Variants in TRIM13 observed in about 807,000 individuals in gnomAD.
TRIM13 encodes E3 ubiquitin-protein ligase TRIM13.
Under a neutral mutation model 27.1 loss-of-function variants are expected in TRIM13, and 15 were observed. The ratio of observed to expected loss-of-function variants is 0.55; its 90% CI spans 0.37 to 0.85. TRIM13 has a LOEUF of 0.85. Among genes scored for constraint, TRIM13 ranks in the 40% least tolerant of loss-of-function variants. The pLI is 0.00. For synonymous variants in TRIM13, 193 were observed against 171.5 expected (o/e 1.13, Z -0.98); for missense variants, 402 against 472.2 (o/e 0.85, Z 1.38).
intron 1 of TRIM13, among the ~76,000 whole-genome samples, chr13:50,000,273 G>C (rs560963891): frequency 6.6e-6 from 1 of 152,242 alleles, no homozygotes; most frequent in Admixed American, 6.5e-5. Flanking sequence ...TCATTGGTTA[G>C]AGTTCATAAA....
chr13:50,000,040 G>A (rs1402571401), intron 1 of TRIM13, among the ~76,000 whole-genome samples: 1 of 152,096 alleles, frequency 6.6e-6, no homozygotes, highest in Non-Finnish European at 1.5e-5. Flanking sequence ...TTTAAGCCCA[G>A]TATTTCTATT....
intron 1 of TRIM13, among the ~76,000 whole-genome samples, chr13:50,008,750 C>A (rs1233968317): frequency 2.0e-5 from 3 of 151,750 alleles, no homozygotes. Context: ...AATTGAGAAT[C>A]CTGGCCTGTA....
Position 50,014,344 on chromosome 13 carries a change from A to AATATATAT in TRIM13, c.*1190_*1197dup, listed in dbSNP as rs1555325056. 0.034 allele frequency: 661 copies of AATATATAT among 19,684 alleles called. 24 individuals are homozygous for AATATATAT. The highest frequency in any genetic ancestry group is 0.043 in the South Asian group (17 of 398). The allele number at this position is 19,684 out of a possible 1,614,324, so 1.2% of individuals were successfully genotyped here. On this transcript the variant is annotated 3_prime_UTR_variant, in exon 2 of 2. Coordinates refer to ENST00000378182, the MANE Select transcript of TRIM13 (RefSeq NM_213590.3). ...AAAAAAAAAAAAAAAAAAAAAAAAA[A>AATATATAT]ATATATATATATATATACACACACA...
rs147768660 is a variant in TRIM13 at position 50,005,391 on chromosome 13, A to T, written c.-6-6544A>T. Among the ~76,000 whole-genome samples the T allele has an allele frequency of 3.4e-4, 52 of 152,074 alleles. No individual in the cohort carries two copies. In the South Asian group the frequency reaches 8.3e-3, roughly 24 times the overall value. On this transcript the variant is annotated intron_variant, in intron 1 of 1. Coordinates refer to ENST00000378182, the MANE Select transcript of TRIM13 (RefSeq NM_213590.3). ...AGTTTTGATTATAAAGAGAAGGCAT[A>T]GGCAGGGCATGGTGGCTCACAACTA... is the stretch of plus-strand genomic sequence containing the variant.
Position 50,015,448 on chromosome 13 carries a change from T to A in TRIM13, c.*2284T>A. The A allele has an allele frequency of 2.2e-6, 3 of 1,377,412 alleles. No individual in the cohort carries two copies. The highest frequency in any genetic ancestry group is 3.0e-6 in the Non-Finnish European group (3 of 989,298). 85.3% of individuals were successfully genotyped at this position (1,377,412 alleles called of 1,614,324 possible). On this transcript the variant is annotated 3_prime_UTR_variant, in exon 2 of 2. Coordinates refer to ENST00000378182, the MANE Select transcript of TRIM13 (RefSeq NM_213590.3). The stretch of plus-strand genomic sequence containing the variant: ...CAACATTTATGGTTATAGGTTGATT[T>A]CCTAAGTGTGGCTGATGGTAGCCTC...
Position 50,012,330 on chromosome 13 carries a change from T to A in TRIM13, c.390T>A (p.Ser130=). Residue 130 remains serine, a synonymous_variant, in exon 2 of 2, where the codon TCT becomes TCA. Coordinates refer to ENST00000378182, the MANE Select transcript of TRIM13 (RefSeq NM_213590.3). The part of the protein sequence containing the change: ...RGEHTKHVFC[S]IEDAYAQERD... ...AGCACACCAAACATGTCTTCTGTTC[T>A]ATTGAAGATGCCTATGCTCAGGAAA... is the stretch of plus-strand genomic sequence containing the variant. 1.2e-6 allele frequency: 2 copies of A among 1,614,186 alleles called. No homozygotes were observed. The highest frequency in any genetic ancestry group is 2.2e-5 in the South Asian group (2 of 91,086).
chr13:50,000,643 T>C (rs1478039407), intron 1 of TRIM13, among the ~76,000 whole-genome samples: 1 of 152,254 alleles, frequency 6.6e-6, no homozygotes, highest in Non-Finnish European at 1.5e-5. Context: ...TGTTAAAATG[T>C]GTGCACATGC....
intron 1 of TRIM13, among the ~76,000 whole-genome samples, chr13:49,998,199 C>T (rs1001758007): frequency 6.6e-5 from 10 of 152,144 alleles, no homozygotes; most frequent in Non-Finnish European, 7.4e-5. Flanking sequence ...GCTATACTTC[C>T]TTCTTGCACA....
rs1419079598 is a variant in TRIM13 at position 50,008,070 on chromosome 13, A to T, written c.-6-3865A>T. On this transcript the variant is annotated intron_variant, in intron 1 of 1. Coordinates refer to ENST00000378182, the MANE Select transcript of TRIM13 (RefSeq NM_213590.3). The stretch of plus-strand genomic sequence containing the variant: ...CAGGTGCCTGCCACCACGCCCAGCT[A>T]ATTTTTTTGTATTTTTAGTAGAGAC... Among the ~76,000 whole-genome samples the T allele has an allele frequency of 2.6e-5, 4 of 151,668 alleles. No homozygotes were observed. The East Asian group carries it at 7.9e-4, about 30-fold the overall frequency.
At chr13:50,007,192 A>T (rs1289761242) in intron 1 of TRIM13, among the ~76,000 whole-genome samples, 2 of 148,936 alleles carry the variant, frequency 1.3e-5, no homozygotes, top group African/African-American at 5.0e-5. Context: ...CAAAAAAAAA[A>T]AAACCCAAAA....
Position 49,997,246 on chromosome 13 carries a change from GC to G in TRIM13, c.-523del, listed in dbSNP as rs1038285296. 5.2e-5 allele frequency: 8 copies of G among 152,618 alleles called. No homozygotes were observed. The highest frequency in any genetic ancestry group is 1.2e-4 in the African/African-American group (5 of 41,460). The allele number at this position is 152,618 out of a possible 1,614,324, so 9.5% of individuals were successfully genotyped here. A position where few individuals can be genotyped will look rare whatever the true frequency, so the allele number is the denominator to read the frequency against. ...GCAGGGATCTGCGTGGGTTGGGGGGGCTGGCGAAGGCCGTCTGAGCTCCAGT... is the reference window on the plus strand; with the variant it reads ...GCAGGGATCTGCGTGGGTTGGGGGGGTGGCGAAGGCCGTCTGAGCTCCAGT... On this transcript the variant is annotated 5_prime_UTR_variant, in exon 1 of 2. Transcript: ENST00000378182.
In TRIM13 at chr13:50,017,107, C is replaced by G. The variant is rs1876699675; in HGVS notation, c.*3943C>G. The G allele has an allele frequency of 6.0e-6, 1 of 166,986 alleles. No homozygotes were observed. Among genetic ancestry groups the G allele is most frequent in the South Asian group, 2.1e-4 (1 of 4,826 alleles). The allele number at this position is 166,986 out of a possible 1,614,324, so 10.3% of individuals were successfully genotyped here. On this transcript the variant is annotated 3_prime_UTR_variant, in exon 2 of 2. Transcript: ENST00000378182. Reference sequence around the variant, plus strand: ...TTTTGGGAAAAGAGAGCCAGTCAAGCTAGTAGGCTGATTGTGAAGAAAATC... The same window carrying G: ...TTTTGGGAAAAGAGAGCCAGTCAAGGTAGTAGGCTGATTGTGAAGAAAATC...
At position 50,012,112 on chromosome 13, in the gene TRIM13, C is replaced by T. The variant is rs770611360; in HGVS notation, c.172C>T (p.Arg58Cys). Reference sequence around the variant, plus strand: ...AGCTCCATTCAAGTGTCCTACATGCCGTAAGGAAACTTCAGCTACTGGAAT... The same window carrying T: ...AGCTCCATTCAAGTGTCCTACATGCTGTAAGGAAACTTCAGCTACTGGAAT... ...RPAPFKCPTC[R>C]KETSATGINS... The change falls in exon 2 of 2, where the codon CGT (arginine) becomes TGT (cysteine). Residue 58 changes from arginine (R) to cysteine (C), a missense_variant. Coordinates refer to ENST00000378182, the MANE Select transcript of TRIM13 (RefSeq NM_213590.3). 24 of 1,613,902 alleles carry T rather than the reference C, an allele frequency of 1.5e-5. No individual in the cohort carries two copies. Among genetic ancestry groups the T allele is most frequent in the Non-Finnish European group, 1.9e-5 (23 of 1,179,990 alleles).
chr13:50,007,352 G>A (rs1874870893), intron 1 of TRIM13, among the ~76,000 whole-genome samples: 1 of 151,112 alleles, frequency 6.6e-6, no homozygotes, highest in African/African-American at 2.4e-5. Context: ...TTAGCCGGGC[G>A]TGGTGGCCGG....
chr13:50,003,083 G>A (rs565409274), intron 1 of TRIM13, among the ~76,000 whole-genome samples: 2 of 152,278 alleles, frequency 1.3e-5, no homozygotes, highest in East Asian at 1.9e-4. Context: ...CTAGTGTGCT[G>A]AGAGGAAATG....
At chr13:50,005,967 G>C (rs971609569) in intron 1 of TRIM13, among the ~76,000 whole-genome samples, 1 of 151,654 alleles carries the variant, frequency 6.6e-6, no homozygotes, top group Non-Finnish European at 1.5e-5. Context: ...CCACCTCGGC[G>C]GCCTCCCAAA....
At chr13:50,007,633 T>A (rs907735410) in intron 1 of TRIM13, among the ~76,000 whole-genome samples, 8 of 148,236 alleles carry the variant, frequency 5.4e-5, no homozygotes, top group Non-Finnish European at 7.4e-5. Context: ...ATACAAAAAT[T>A]AGCTGGGCGT....
At chr13:50,005,194 T>TTC (rs1874533756) in intron 1 of TRIM13, among the ~76,000 whole-genome samples, 1 of 152,138 alleles carries the variant, frequency 6.6e-6, no homozygotes, top group South Asian at 2.1e-4. Context: ...TAGCCATACT[T>TTC]TAAGATTTTG....
Position 50,015,842 on chromosome 13 carries a change from C to T in TRIM13, c.*2678C>T, listed in dbSNP as rs138037488. The T allele has an allele frequency of 3.2e-5, 52 of 1,613,928 alleles. No homozygotes were observed. The Middle Eastern group carries it at 8.2e-4, about 26-fold the overall frequency. On this transcript the variant is annotated 3_prime_UTR_variant, in exon 2 of 2. Coordinates refer to ENST00000378182, the MANE Select transcript of TRIM13 (RefSeq NM_213590.3). ...TCTTGTGGAGGTACATTTCCTAAGC[C>T]GGAACACTCAAGCTTTTTTCAGGGT... is the stretch of plus-strand genomic sequence containing the variant.
Sources: gnomAD v4.1 joint callset for allele counts (sites outside exome capture counted in the v4.1 genomes callset) on GRCh38, gnomAD v4.1.1 for gene constraint, MANE v1.5 for transcripts, NCBI Gene and HGNC (gene_info 2026-07-23, HGNC 2026-07-21) for gene names.